LCOR: variants seen among roughly 807,000 people sequenced by gnomAD.
LCOR encodes ligand-dependent corepressor.
Under a neutral mutation model 64.4 loss-of-function variants are expected in LCOR, and 14 were observed. That is an observed-to-expected ratio of 0.22 (90% CI 0.14 to 0.34). LCOR has a LOEUF of 0.34. Among genes scored for constraint, LCOR ranks in the 10% least tolerant of loss-of-function variants. The probability of loss-of-function intolerance (pLI) is 1.00; values close to 1 mark genes in which losing one functional copy is unlikely to be tolerated. For synonymous variants in LCOR, 643 were observed against 642.5 expected, an observed-to-expected ratio of 1.00 and a Z score of -0.01; for missense variants, 1,686 against 1,765.3, an observed-to-expected ratio of 0.96 and a Z score of 0.80.
At chr10:96,951,673 T>G (rs897409291) in intron 6 of LCOR, among the ~76,000 whole-genome samples, 2 of 152,166 alleles carry the variant, frequency 1.3e-5, no homozygotes, top group Admixed American at 1.3e-4. Context: ...TTTTGGAGTT[T>G]CAGGTAGATT....
intron 2 of LCOR, among the ~76,000 whole-genome samples, chr10:96,865,259 T>C (rs1845951529): frequency 6.6e-6 from 1 of 151,078 alleles, no homozygotes; most frequent in African/African-American, 2.5e-5. Context: ...GACTGTGGAC[T>C]GTTAGGCTGT....
chr10:96,883,905 G>C (rs1846302063), intron 2 of LCOR, among the ~76,000 whole-genome samples: 1 of 152,092 alleles, frequency 6.6e-6, no homozygotes, highest in African/African-American at 2.4e-5. Flanking sequence ...ATTGTGTAAT[G>C]GCTAAATCAA....
intron 2 of LCOR, among the ~76,000 whole-genome samples, chr10:96,903,273 G>T (rs1401196787): frequency 1.3e-5 from 2 of 152,056 alleles, no homozygotes; most frequent in African/African-American, 4.8e-5. Context: ...AATTTACTTA[G>T]GAATAAAGTA....
intron 4 of LCOR, among the ~76,000 whole-genome samples, chr10:96,924,276 C>G (rs987681970): frequency 6.6e-6 from 1 of 152,102 alleles, no homozygotes; most frequent in Non-Finnish European, 1.5e-5. Context: ...GATCTCGGCT[C>G]GCTGCAGCTT....
chr10:96,983,666 T>C lies in LCOR; in HGVS notation c.3206T>C (p.Ile1069Thr). The change falls in exon 8 of 8, where the codon ATA becomes ACA. Residue 1069 changes from isoleucine to threonine, a missense_variant. Physicochemically the swap from Ile to Thr is moderately conservative, Grantham distance 89. Transcript: ENST00000421806. This position sits in a 1 kb window ranked among gnomAD's most constrained non-coding sequence, Gnocchi z 4.5. ...SEKEAAQVNP[I>T]MPKENGASES... The stretch of plus-strand genomic sequence containing the variant: ...AAGGAAGCTGCACAAGTAAACCCCA[T>C]AATGCCAAAGGAAAATGGAGCTTCA... 3 of 1,614,084 alleles carry C rather than the reference T, an allele frequency of 1.9e-6. No homozygotes were observed. Among genetic ancestry groups the C allele is most frequent in the Non-Finnish European group, 2.5e-6 (3 of 1,180,012 alleles).
intron 7 of LCOR, chr10:96,956,250 G>T (rs751174381): frequency 4.9e-6 from 5 of 1,021,224 alleles, no homozygotes; most frequent in Non-Finnish European, 5.9e-6. Flanking sequence ...TGTTGTTGTT[G>T]TTTTTTCTTA....
chr10:96,911,093 CTTTTTTTTT>C (rs71007308), intron 4 of LCOR, among the ~76,000 whole-genome samples: 3 of 114,172 alleles, frequency 2.6e-5, no homozygotes, highest in Non-Finnish European at 5.2e-5. Context: ...TACATGTTCC[CTTTTTTTTT>C]TTTTTTTTTT....
chr10:96,952,164 C>A lies in LCOR; in HGVS notation c.300C>A (p.His100Gln). The change falls in exon 7 of 8, where the codon CAC becomes CAA. Residue 100 changes from histidine (H) to glutamine (Q), a missense_variant. By Grantham distance (24) the His-to-Gln change is conservative. Coordinates refer to ENST00000421806, the MANE Select transcript of LCOR (RefSeq NM_001346516.2). ...SPCAGSTSLS[H>Q]SPGCSSTQGN... ...GTGCTGGCAGCACTTCCCTGAGCCA[C>A]TCTCCAGGCTGCTCCAGTACTCAAG... 2 of 1,613,968 alleles carry A rather than the reference C, an allele frequency of 1.2e-6. No homozygotes were observed. The highest frequency in any genetic ancestry group is 1.7e-6 in the Non-Finnish European group (2 of 1,179,844).
At chr10:96,914,402 G>C (rs1401553533) in intron 4 of LCOR, among the ~76,000 whole-genome samples, 1 of 152,128 alleles carries the variant, frequency 6.6e-6, no homozygotes, top group Non-Finnish European at 1.5e-5. Context: ...TCACCATGTT[G>C]GTCAGGCTGG....
At chr10:96,941,351 T>G (rs1847469815) in intron 4 of LCOR, among the ~76,000 whole-genome samples, 1 of 120,318 alleles carries the variant, frequency 8.3e-6, no homozygotes, top group African/African-American at 3.3e-5. Flanking sequence ...CACTTCCCAG[T>G]AGGGGCGGCC....
intron 4 of LCOR, among the ~76,000 whole-genome samples, chr10:96,912,645 T>TTCCTTCCTTCCTTCCTTCC (rs370297935): frequency 6.9e-6 from 1 of 144,296 alleles, no homozygotes; most frequent in African/African-American, 2.7e-5. Context: ...CCTTCCTTCC[T>TTCCTTCCTTCCTTCCTTCC]TTCCTTCTTT....
intron 2 of LCOR, among the ~76,000 whole-genome samples, chr10:96,891,467 C>G (rs1846438616): frequency 1.3e-5 from 1 of 77,978 alleles, no homozygotes; most frequent in Non-Finnish European, 2.6e-5. Flanking sequence ...TTCATTGATA[C>G]TGATTTTTCT....
chr10:96,899,828 G>C (rs142513607), intron 2 of LCOR, among the ~76,000 whole-genome samples: 148 of 152,130 alleles, frequency 9.7e-4, no homozygotes, highest in Non-Finnish European at 1.7e-3. Flanking sequence ...TTTTAAATTA[G>C]AATTACAAGG....
intron 7 of LCOR, among the ~76,000 whole-genome samples, chr10:96,978,852 T>C (rs1250519179): frequency 6.6e-6 from 1 of 152,242 alleles, no homozygotes; most frequent in African/African-American, 2.4e-5. Flanking sequence ...GCACCTGCCC[T>C]TTTGTGCTTT....
At chr10:96,941,436 A>C (rs1244922195) in intron 4 of LCOR, among the ~76,000 whole-genome samples, 23 of 133,866 alleles carry the variant, frequency 1.7e-4, no homozygotes, top group Non-Finnish European at 3.2e-4. Flanking sequence ...TCCCTCCTGG[A>C]CGGGGCGACT....
intron 4 of LCOR, chr10:96,915,492 G>T (rs1208562938): frequency 7.2e-6 from 3 of 415,542 alleles, no homozygotes; most frequent in Non-Finnish European, 9.0e-6. Flanking sequence ...CTGCACTCCA[G>T]CCTGGGGAGA....
chr10:96,930,567 C>T (rs537009764), intron 4 of LCOR, among the ~76,000 whole-genome samples: 6 of 152,140 alleles, frequency 3.9e-5, no homozygotes, highest in Middle Eastern at 3.2e-3. Flanking sequence ...CTGTCATTTC[C>T]CTTCAACCCG....
intron 4 of LCOR, among the ~76,000 whole-genome samples, chr10:96,928,143 A>G (rs1223990065): frequency 6.6e-6 from 1 of 152,170 alleles, no homozygotes; most frequent in Non-Finnish European, 1.5e-5. Context: ...GAAGACAACA[A>G]TGAAGTTTGC....
At chr10:96,920,471 T>TATTC (rs1564626058) in intron 4 of LCOR, among the ~76,000 whole-genome samples, 3 of 142,810 alleles carry the variant, frequency 2.1e-5, no homozygotes, top group South Asian at 2.1e-4. Context: ...CATATATGTG[T>TATTC]ATATATATGT....
Sources: gnomAD v4.1 joint callset for allele counts (sites outside exome capture counted in the v4.1 genomes callset) on GRCh38, gnomAD v4.1.1 for gene constraint, Gnocchi (gnomAD v3.1) non-coding constraint, MANE v1.5 for transcripts, NCBI Gene and HGNC (gene_info 2026-07-23, HGNC 2026-07-21) for gene names.